Variants in APC2 observed in about 807,000 individuals in gnomAD.
APC2 encodes the protein adenomatous polyposis coli protein 2.
APC2 carries 41 observed loss-of-function variants against 72.5 expected under a neutral mutation model. That is an observed-to-expected ratio of 0.57 (90% CI 0.44 to 0.73). The LOEUF is 0.73. Ranked by LOEUF, APC2 falls within the 30% of genes least tolerant of loss-of-function variation. The pLI is 0.00. For synonymous variants in APC2, 1,898 were observed against 1,612.0 expected (o/e 1.18, Z -4.25); for missense variants, 3,729 against 3,403.4 (o/e 1.10, Z -2.38).
chr19:1,461,856 AAAAAAAAC>A lies in APC2; in HGVS notation c.1639-100_1639-93del, dbSNP rs1475034747. The A allele has an allele frequency of 4.0e-6, 4 of 996,860 alleles. No homozygotes were observed. The African/African-American group carries it at 5.1e-5, about 13-fold the overall frequency. The allele number at this position is 996,860 out of a possible 1,614,324, so 61.8% of individuals were successfully genotyped here. ...GAGAGAGTGAGATTCCGTCTCAAAA[AAAAAAAAC>A]AAAAAACAAAAAAACCCAACTTCAC... On this transcript the variant is annotated intron_variant, in intron 13 of 14. Coordinates refer to ENST00000590469, the MANE Select transcript of APC2 (RefSeq NM_005883.3).
chr19:1,448,113 C>T (rs2083702753), upstream of APC2, among the ~76,000 whole-genome samples: 5 of 152,120 alleles, frequency 3.3e-5, no homozygotes. Context: ...CTCTGCATCC[C>T]CAACCCCATT....
chr19:1,458,386 T>C (rs1198945921), intron 10 of APC2: 1 of 338,888 alleles, frequency 3.0e-6, no homozygotes, highest in Non-Finnish European at 5.4e-6. Flanking sequence ...ATTGGAACTG[T>C]AGGGGGTGTT....
Position 1,467,526 on chromosome 19 carries a change from G to T in APC2, c.4225G>T (p.Glu1409Ter). The T allele has an allele frequency of 6.8e-7, 1 of 1,475,860 alleles. No individual in the cohort carries two copies. The highest frequency in any genetic ancestry group is 8.9e-7 in the Non-Finnish European group (1 of 1,117,490). The allele number at this position is 1,475,860 out of a possible 1,614,324, so 91.4% of individuals were successfully genotyped here. The change falls in exon 15 of 15, where the codon GAG becomes TAG. Residue 1409 changes from glutamate (E) to a stop codon, truncating the protein, a stop_gained. Transcript: ENST00000590469. LOFTEE classifies it low-confidence loss of function (END_TRUNC). ...NFSSAASLSD[E>*]TLQGPPRDQP... Reference sequence around the variant, plus strand: ...CTCTAGCGCCGCCTCGCTCAGCGACGAGACGCTGCAGGGACCCCCCAGGGA... The same window carrying T: ...CTCTAGCGCCGCCTCGCTCAGCGACTAGACGCTGCAGGGACCCCCCAGGGA...
At position 1,466,968 on chromosome 19, in the gene APC2, C is replaced by G. The variant is rs906413634; in HGVS notation, c.3667C>G (p.Pro1223Ala). 7 of 1,605,294 alleles carry G rather than the reference C, an allele frequency of 4.4e-6. No homozygotes were observed. Among genetic ancestry groups the G allele is most frequent in the Non-Finnish European group, 6.0e-6 (7 of 1,176,412 alleles). The change falls in exon 15 of 15, where the codon CCC becomes GCC. Residue 1223 changes from proline to alanine, a missense_variant. Pro to Ala is a conservative substitution (Grantham distance 27). Coordinates refer to ENST00000590469, the MANE Select transcript of APC2 (RefSeq NM_005883.3). The part of the protein sequence containing the change: ...TPPLAPAPQG[P>A]PEATQFSLQW... ...ACCGCTGGCGCCCGCGCCACAGGGT[C>G]CCCCCGAGGCCACCCAGTTCAGCCT...
chr19:1,459,338 G>A (rs903374591), intron 10 of APC2, among the ~76,000 whole-genome samples: 8 of 152,126 alleles, frequency 5.3e-5, no homozygotes, highest in African/African-American at 1.9e-4. Flanking sequence ...CCAAAGTGCT[G>A]GAGTTGCAGG....
intron 6 of APC2, among the ~76,000 whole-genome samples, chr19:1,455,857 G>A (rs922533054): frequency 2.6e-5 from 4 of 152,140 alleles, no homozygotes; most frequent in Non-Finnish European, 2.9e-5. Flanking sequence ...GACTAAAGGC[G>A]GGGTTTAGAC....
rs768897992 is a variant in APC2 at position 1,457,221 on chromosome 19, C to T, written c.1185C>T (p.Pro395=). The change falls in exon 9 of 15, where the codon CCC becomes CCT. Residue 395 remains proline (P), a synonymous_variant. Coordinates refer to ENST00000590469, the MANE Select transcript of APC2 (RefSeq NM_005883.3). The part of the protein sequence containing the change: ...WDWLQARDGG[P]EGGGAGSAPI... ...GGCTGCAGGCCCGAGACGGCGGGCC[C>T]GAGGGAGGTGGCGCCGGCAGCGGTG... 9 of 1,541,492 alleles carry T rather than the reference C, an allele frequency of 5.8e-6. No individual in the cohort carries two copies. The South Asian group carries it at 6.0e-5, about 10-fold the overall frequency.
At chr19:1,461,175 G>C in intron 13 of APC2, 22 bp downstream of exon 13, 2 of 1,591,120 alleles carry the variant, frequency 1.3e-6, no homozygotes, top group Non-Finnish European at 1.7e-6. Context: ...GTGGGCGGCA[G>C]GGATGCTTCT....
chr19:1,456,316 C>G lies in APC2; in HGVS notation c.728C>G (p.Ala243Gly). 1.2e-6 allele frequency: 2 copies of G among 1,607,834 alleles called. No homozygotes were observed. The highest frequency in any genetic ancestry group is 1.7e-6 in the Non-Finnish European group (2 of 1,177,954). Residue 243 changes from alanine (A) to glycine (G), a missense_variant, in exon 8 of 15, where the codon GCG (alanine) becomes GGG (glycine). Transcript: ENST00000590469. ...GTGCTCTCCCTGCAGGCCTTGCTGG[C>G]GGTGAAGTCGGTGCCGGTGGACGAG... Reference protein sequence around the residue: ...VQQTEPQALLAVKSVPVDEDP... With the variant: ...VQQTEPQALLGVKSVPVDEDP...
upstream of APC2, among the ~76,000 whole-genome samples, chr19:1,449,317 G>A (rs555331563): frequency 1.1e-4 from 16 of 152,236 alleles, no homozygotes; most frequent in Admixed American, 2.0e-4. Flanking sequence ...CTGCAGGGAC[G>A]GGCTCTGTGT....
rs560844801 is a variant in APC2 at position 1,456,952 on chromosome 19, G to A, written c.916G>A (p.Val306Met). 31 of 1,548,112 alleles carry A rather than the reference G, an allele frequency of 2.0e-5. No individual in the cohort carries two copies. In the South Asian group the frequency reaches 2.7e-4, roughly 14 times the overall value. Residue 306 changes from valine (V) to methionine (M), a missense_variant, in exon 9 of 15, where the codon GTG becomes ATG. Val to Met is a conservative substitution (Grantham distance 21). Transcript: ENST00000590469. Reference sequence around the variant, plus strand: ...CATGTCCAGCTCGCCCGAGAGCTGCGTGGCCATGCGCCGCTCGGGCTGTCT... The same window carrying A: ...CATGTCCAGCTCGCCCGAGAGCTGCATGGCCATGCGCCGCTCGGGCTGTCT... The part of the protein sequence containing the change: ...LAMSSSPESC[V>M]AMRRSGCLPL...
At position 1,465,791 on chromosome 19, in the gene APC2, G is replaced by C. The variant is rs1209480056; in HGVS notation, c.2490G>C (p.Glu830Asp). Residue 830 changes from glutamate (E) to aspartate (D), a missense_variant, in exon 15 of 15, where the codon GAG becomes GAC. Glu to Asp is a conservative substitution (Grantham distance 45, BLOSUM62 2). Transcript: ENST00000590469. ...CCCGCCGAGGCGGCAAGGAGGCAGA[G>C]AAGGACACCAGTGGGGAGGCAGCCG... Reference protein sequence around the residue: ...PPTRRGGKEAEKDTSGEAAVA... With the variant: ...PPTRRGGKEADKDTSGEAAVA... 8.2e-6 allele frequency: 13 copies of C among 1,580,848 alleles called. No individual in the cohort carries two copies. The highest frequency in any genetic ancestry group is 1.4e-5 in the African/African-American group (1 of 73,626).
chr19:1,466,199 G>GCTTGAC lies in APC2; in HGVS notation c.2907_2912dup (p.Asp970_Leu971dup). The GCTTGAC allele has an allele frequency of 6.4e-7, 1 of 1,557,990 alleles. No homozygotes were observed. The highest frequency in any genetic ancestry group is 1.4e-5 in the African/African-American group (1 of 72,548). Reference sequence around the variant, plus strand: ...GGTGTGGGCAGCCTCGGCCCAGCCGGCTTGACCTTGACCTGCCCGGCTGCC... The same window carrying GCTTGAC: ...GGTGTGGGCAGCCTCGGCCCAGCCGGCTTGACCTTGACCTTGACCTGCCCGGCTGCC... On this transcript the variant is annotated inframe_insertion, in exon 15 of 15. Transcript: ENST00000590469.
In APC2 at chr19:1,467,875, C is replaced by G. The variant is rs775725027; in HGVS notation, c.4574C>G (p.Pro1525Arg). ...GAGCCCCCGGCGGCCGCGCCCACGCCAACCCACCGGCGCACATCGGCCATC... is the reference window on the plus strand; with the variant it reads ...GAGCCCCCGGCGGCCGCGCCCACGCGAACCCACCGGCGCACATCGGCCATC... The part of the protein sequence containing the change: ...DEEPPAAAPT[P>R]THRRTSAIPR... The change falls in exon 15 of 15, where the codon CCA becomes CGA. Residue 1525 changes from proline (P) to arginine (R), a missense_variant. Pro to Arg is a moderately radical substitution (Grantham distance 103). Coordinates refer to ENST00000590469, the MANE Select transcript of APC2 (RefSeq NM_005883.3). The G allele has an allele frequency of 6.4e-7, 1 of 1,571,076 alleles. No homozygotes were observed. The highest frequency in any genetic ancestry group is 8.6e-7 in the Non-Finnish European group (1 of 1,167,620).
Position 1,466,306 on chromosome 19 carries a change from T to C in APC2, c.3005T>C (p.Val1002Ala), listed in dbSNP as rs1289831819. The change falls in exon 15 of 15, where the codon GTG becomes GCG. Residue 1002 changes from valine (V) to alanine (A), a missense_variant. Physicochemically the swap from Val to Ala is moderately conservative, Grantham distance 64. Transcript: ENST00000590469. ...AAGCTGTCGCCTACCTATCAGCACGTGCCACTGCTTGAGGGTGCCTCAAGG... is the reference window on the plus strand; with the variant it reads ...AAGCTGTCGCCTACCTATCAGCACGCGCCACTGCTTGAGGGTGCCTCAAGG... ...TIKLSPTYQH[V>A]PLLEGASRAG... The C allele has an allele frequency of 6.5e-7, 1 of 1,540,158 alleles. No individual in the cohort carries two copies. Among genetic ancestry groups the C allele is most frequent in the South Asian group, 1.2e-5 (1 of 82,690 alleles).
upstream of APC2, among the ~76,000 whole-genome samples, chr19:1,447,806 C>T (rs934997158): frequency 7.2e-5 from 11 of 152,130 alleles, no homozygotes; most frequent in African/African-American, 1.9e-4. Flanking sequence ...AGTGTCACTC[C>T]GGAGGCCTGG....
Position 1,456,327 on chromosome 19 carries a change from G to A in APC2, c.739G>A (p.Val247Met), listed in dbSNP as rs1202454381. The A allele has an allele frequency of 6.2e-7, 1 of 1,609,000 alleles. No individual in the cohort carries two copies. The change falls in exon 8 of 15, where the codon GTG becomes ATG. Residue 247 changes from valine to methionine, a missense_variant. Transcript: ENST00000590469. ...EPQALLAVKSVPVDEDPETEV... is the reference protein window; with the variant it reads ...EPQALLAVKSMPVDEDPETEV... ...GCAGGCCTTGCTGGCGGTGAAGTCG[G>A]TGCCGGTGGACGAGGACCCCGAGAC...
rs763586238 is a variant in APC2 at position 1,466,732 on chromosome 19, C to T, written c.3431C>T (p.Pro1144Leu). The T allele has an allele frequency of 3.9e-6, 6 of 1,539,984 alleles. No homozygotes were observed. The African/African-American group carries it at 4.1e-5, about 11-fold the overall frequency. ...GGCCTGGGGGTGGAAGACGCCACGC[C>T]GTCCAGCTCGTCGGAGAACTACGTG... Reference protein sequence around the residue: ...GRGLGVEDATPSSSSENYVQE... With the variant: ...GRGLGVEDATLSSSSENYVQE... The change falls in exon 15 of 15, where the codon CCG becomes CTG. Residue 1144 changes from proline to leucine, a missense_variant. Transcript: ENST00000590469.
chr19:1,459,493 G>A (rs907274817), intron 10 of APC2, among the ~76,000 whole-genome samples: 2 of 152,180 alleles, frequency 1.3e-5, no homozygotes, highest in Admixed American at 6.5e-5. Flanking sequence ...TCTGTGAATC[G>A]TGCTGTGGTG....
Sources: gnomAD v4.1 joint callset for allele counts (sites outside exome capture counted in the v4.1 genomes callset) on GRCh38, gnomAD v4.1.1 for gene constraint, MANE v1.5 for transcripts, NCBI Gene and HGNC (gene_info 2026-07-23, HGNC 2026-07-21) for gene names.